Variants in SLAIN1 observed in about 807,000 individuals in gnomAD.
The protein encoded by SLAIN1 is SLAIN motif-containing protein 1.
Under a neutral mutation model 55.4 loss-of-function variants are expected in SLAIN1, and 17 were observed. The ratio of observed to expected loss-of-function variants is 0.31; its 90% confidence interval spans 0.21 to 0.46. SLAIN1 has a LOEUF of 0.46. SLAIN1 is among the 20% of genes least tolerant of loss of function. SLAIN1 has a pLI of 1.00. For synonymous variants in SLAIN1, 348 were observed against 337.4 expected, an observed-to-expected ratio of 1.03 and a Z score of -0.35; for missense variants, 682 against 785.1, an observed-to-expected ratio of 0.87 and a Z score of 1.57.
chr13:77,709,233 T>A (rs535958509), intron 1 of SLAIN1, among the ~76,000 whole-genome samples: 1 of 151,878 alleles, frequency 6.6e-6, no homozygotes, highest in African/African-American at 2.4e-5. Flanking sequence ...TGAAAAGGAA[T>A]TAACAAAGCC....
chr13:77,707,114 T>G (rs1197390409), intron 1 of SLAIN1, among the ~76,000 whole-genome samples: 1 of 152,014 alleles, frequency 6.6e-6, no homozygotes, highest in Non-Finnish European at 1.5e-5. Context: ...CCAGTTTCTT[T>G]CTTTTCTTTC....
At chr13:77,700,849 TG>T in intron 1 of SLAIN1, among the ~76,000 whole-genome samples, 1 of 152,256 alleles carries the variant, frequency 6.6e-6, no homozygotes, top group East Asian at 1.9e-4. Context: ...ACATGCTCAT[TG>T]TAAAAAAACT....
At position 77,698,603 on chromosome 13, in the gene SLAIN1, G is replaced by C; in HGVS notation, c.626+64G>C. ...TCGGGGGCTTCGGGCACCGGGGAGC[G>C]GGGGCGGGGGGCGGACGGGGGTCCC... On this transcript the variant is annotated intron_variant, in intron 1 of 6. Transcript: ENST00000418532. This position sits in a 1 kb window ranked among gnomAD's most constrained non-coding sequence, Gnocchi z 4.1. 1 of 1,335,882 alleles carries C rather than the reference G, an allele frequency of 7.5e-7. No individual in the cohort carries two copies. The highest frequency in any genetic ancestry group is 9.5e-7 in the Non-Finnish European group (1 of 1,048,014). The allele number at this position is 1,335,882 out of a possible 1,614,324, so 82.8% of individuals were successfully genotyped here.
chr13:77,755,139 T>C (rs1002137639), intron 5 of SLAIN1, among the ~76,000 whole-genome samples: 1 of 152,058 alleles, frequency 6.6e-6, no homozygotes, highest in Non-Finnish European at 1.5e-5. Flanking sequence ...GGCAATATGA[T>C]GAAACCCCGT....
At chr13:77,762,522 C>CCT (rs1875114954) in intron 6 of SLAIN1, among the ~76,000 whole-genome samples, 1 of 152,046 alleles carries the variant, frequency 6.6e-6, no homozygotes, top group Non-Finnish European at 1.5e-5. Context: ...AAGTGATCCT[C>CCT]CTGCCTTGCT....
intron 5 of SLAIN1, among the ~76,000 whole-genome samples, chr13:77,757,629 T>G (rs1674856791): frequency 6.6e-6 from 1 of 152,140 alleles, no homozygotes; most frequent in Admixed American, 6.5e-5. Context: ...TATCTCATTC[T>G]TATGCCTTTA....
At position 77,760,923 on chromosome 13, in the gene SLAIN1, C is replaced by G; in HGVS notation, c.1510C>G (p.Pro504Ala). The G allele has an allele frequency of 6.2e-7, 1 of 1,614,150 alleles. No homozygotes were observed. The highest frequency in any genetic ancestry group is 8.5e-7 in the Non-Finnish European group (1 of 1,180,020). The change falls in exon 6 of 7, where the codon CCA becomes GCA. Residue 504 changes from proline to alanine, a missense_variant. Around this residue, in one of 3 missense-constraint regions of SLAIN1, gnomAD observed 244 missense variants for 295.2 expected, o/e 0.83. Transcript: ENST00000418532. Reference sequence around the variant, plus strand: ...TCTTAAAGCCACAGCCTATGTGAGTCCAACCGTTCAAGGCAGCAGTAACAT... The same window carrying G: ...TCTTAAAGCCACAGCCTATGTGAGTGCAACCGTTCAAGGCAGCAGTAACAT... ...QPLKATAYVSPTVQGSSNMPL... is the reference protein window; with the variant it reads ...QPLKATAYVSATVQGSSNMPL...
At chr13:77,703,222 C>G (rs1283457544) in intron 1 of SLAIN1, among the ~76,000 whole-genome samples, 2 of 151,988 alleles carry the variant, frequency 1.3e-5, no homozygotes, top group African/African-American at 4.8e-5. Context: ...GTTAATTATA[C>G]AAGGAAAAAT....
intron 1 of SLAIN1, among the ~76,000 whole-genome samples, chr13:77,708,853 T>A (rs2091116979): frequency 6.6e-6 from 1 of 151,946 alleles, no homozygotes; most frequent in African/African-American, 2.4e-5. Context: ...GAATGCCTCT[T>A]CTCCTCCAAA....
At chr13:77,730,821 C>T (rs9600920) in intron 2 of SLAIN1, among the ~76,000 whole-genome samples, 36,487 of 152,010 alleles carry the variant, frequency 0.24, 4,526 homozygotes, top group African/African-American at 0.25. Flanking sequence ...ATTTTTATAG[C>T]ATTTTCAGAT....
At chr13:77,740,097 G>A (rs1873341240) in intron 2 of SLAIN1, among the ~76,000 whole-genome samples, 1 of 152,060 alleles carries the variant, frequency 6.6e-6, no homozygotes, top group South Asian at 2.1e-4. Flanking sequence ...CACTGTAGAG[G>A]TGGGCATGAG....
At chr13:77,717,527 G>T (rs2091219840) in intron 1 of SLAIN1, among the ~76,000 whole-genome samples, 1 of 151,994 alleles carries the variant, frequency 6.6e-6, no homozygotes. Context: ...GTTTGCCCAT[G>T]TTTAAGGTGC....
intron 1 of SLAIN1, among the ~76,000 whole-genome samples, chr13:77,700,928 A>G (rs1271388653): frequency 6.6e-6 from 1 of 152,202 alleles, no homozygotes; most frequent in East Asian, 1.9e-4. Flanking sequence ...ACCGTGACTC[A>G]GAATTCACCC....
intron 1 of SLAIN1, among the ~76,000 whole-genome samples, chr13:77,714,438 C>T (rs919091940): frequency 1.3e-5 from 2 of 152,150 alleles, no homozygotes; most frequent in East Asian, 3.9e-4. Flanking sequence ...ATAGGAAGAC[C>T]ACATCTCTAC....
chr13:77,728,130 G>A (rs1144377), intron 2 of SLAIN1, among the ~76,000 whole-genome samples: 152,276 of 152,294 alleles, frequency 1, 76,129 homozygotes, highest in Non-Finnish European at 1. Flanking sequence ...TATTAGATCT[G>A]TGTGTATTCC....
At position 77,698,622 on chromosome 13, in the gene SLAIN1, GGGTCCCCTCGCGGC is replaced by G; in HGVS notation, c.626+84_626+97del. On this transcript the variant is annotated intron_variant, in intron 1 of 6. Coordinates refer to ENST00000418532, the MANE Select transcript of SLAIN1 (RefSeq NM_001242868.2). The surrounding 1 kb of genome is among the most constrained non-coding windows in gnomAD (Gnocchi z 4.1). ...GGGAGCGGGGGCGGGGGGCGGACGG[GGGTCCCCTCGCGGC>G]AGCCGGGGTGACTCCCCGCGGCTCC... 1 of 1,322,254 alleles carries G rather than the reference GGGTCCCCTCGCGGC, an allele frequency of 7.6e-7. No individual in the cohort carries two copies. Among genetic ancestry groups the G allele is most frequent in the Non-Finnish European group, 9.6e-7 (1 of 1,040,634 alleles). The allele number at this position is 1,322,254 out of a possible 1,614,324, so 81.9% of individuals were successfully genotyped here.
intron 2 of SLAIN1, among the ~76,000 whole-genome samples, chr13:77,738,083 G>A (rs1157149926): frequency 6.6e-6 from 1 of 151,948 alleles, no homozygotes; most frequent in Non-Finnish European, 1.5e-5. Flanking sequence ...TAACTGCTTG[G>A]AGACTGACCT....
At chr13:77,733,403 A>C (rs1159462601) in intron 2 of SLAIN1, among the ~76,000 whole-genome samples, 1 of 152,190 alleles carries the variant, frequency 6.6e-6, no homozygotes, top group Non-Finnish European at 1.5e-5. Context: ...CATTTTGAGT[A>C]AAATTGGAAG....
chr13:77,706,033 C>T (rs985360360), intron 1 of SLAIN1, among the ~76,000 whole-genome samples: 1 of 152,094 alleles, frequency 6.6e-6, no homozygotes, highest in African/African-American at 2.4e-5. Flanking sequence ...GTTTTCAAAA[C>T]TCCCCTTGTT....
Sources: allele counts gnomAD v4.1 joint callset (sites outside exome capture counted in the v4.1 genomes callset), GRCh38; gene constraint gnomAD v4.1.1; regional missense constraint gnomAD v4.1.1; non-coding constraint Gnocchi (gnomAD v3.1); transcripts MANE v1.5; gene names NCBI Gene and HGNC (gene_info 2026-07-23, HGNC 2026-07-21).